Variants in NELFB observed in about 807,000 individuals in gnomAD.
The protein encoded by NELFB is negative elongation factor B.
Under a neutral mutation model 60.2 loss-of-function variants are expected in NELFB, and 34 were observed. That is an observed-to-expected ratio of 0.56 (90% CI 0.43 to 0.75). The LOEUF (loss-of-function observed/expected upper bound fraction) is 0.75. Ranked by LOEUF, NELFB falls within the 30% of genes least tolerant of loss-of-function variation. The pLI is 0.00. For missense variants in NELFB, 770 were observed against 831.6 expected (o/e 0.93, Z 0.91); for synonymous variants, 459 against 382.1 (o/e 1.20, Z -2.35).
chr9:137,268,321 C>T (rs1374389421), intron 10 of NELFB, among the ~76,000 whole-genome samples: 1 of 152,182 alleles, frequency 6.6e-6, no homozygotes, highest in Non-Finnish European at 1.5e-5. Flanking sequence ...CACGGTGGCT[C>T]AGGCCTGTAA....
At chr9:137,262,035 A>G (rs1564443172) in intron 4 of NELFB, among the ~76,000 whole-genome samples, 1 of 152,132 alleles carries the variant, frequency 6.6e-6, no homozygotes, top group Non-Finnish European at 1.5e-5. Flanking sequence ...TCTGCGTATC[A>G]GAGACTTTTA....
At position 137,260,749 on chromosome 9, in the gene NELFB, A is replaced by G. The variant is rs149310738; in HGVS notation, c.742-2288A>G. Among the ~76,000 whole-genome samples the G allele has an allele frequency of 6.7e-4, 102 of 151,188 alleles. 1 individual carries two copies. The East Asian group carries it at 0.017, about 25-fold the overall frequency. On this transcript the variant is annotated intron_variant, in intron 4 of 12. Transcript: ENST00000343053. ...ATTACAGGTGTGAGCCACCGTGCCC[A>G]GCCCGATTCTCTTTTAAAAAGCTAA...
At chr9:137,271,948 T>G in intron 10 of NELFB, 133 bp from the exon 11 acceptor site, 3 of 1,154,612 alleles carry the variant, frequency 2.6e-6, no homozygotes, top group Non-Finnish European at 3.7e-6. Context: ...GACCCTGTGC[T>G]TCTCATCTCA....
Position 137,265,935 on chromosome 9 carries a change from G to A in NELFB, c.1099G>A (p.Val367Ile). 1.9e-6 allele frequency: 3 copies of A among 1,613,236 alleles called. No homozygotes were observed. Among genetic ancestry groups the A allele is most frequent in the Middle Eastern group, 1.7e-4 (1 of 6,050 alleles). The change falls in exon 7 of 13, where the codon GTC becomes ATC. Residue 367 changes from valine (V) to isoleucine (I), a missense_variant. By Grantham distance (29) the Val-to-Ile change is conservative. Coordinates refer to ENST00000343053, the MANE Select transcript of NELFB (RefSeq NM_015456.5). ...CATCAACACGCTGGCACTGAGCACAGTCAGGCACCTGCAGGAGCTGGTCGG... is the reference window on the plus strand; with the variant it reads ...CATCAACACGCTGGCACTGAGCACAATCAGGCACCTGCAGGAGCTGGTCGG...
rs1837535634 is a variant in NELFB, at chr9:137,255,509, CAT to C, written c.145_146del (p.Met49ValfsTer67). 6.5e-7 allele frequency: 1 copy of C among 1,535,346 alleles called. No homozygotes were observed. Among genetic ancestry groups the C allele is most frequent in the Non-Finnish European group, 8.8e-7 (1 of 1,142,048 alleles). ...GCCGGGCGGTGGCCGGGGCCTCGGC[CAT>C]GTTCGCGGGGCTGCAGGACCTGGGC... On this transcript the variant is annotated frameshift_variant, in exon 1 of 13. Coordinates refer to ENST00000343053, the MANE Select transcript of NELFB (RefSeq NM_015456.5). LOFTEE classifies it high-confidence loss of function.
In NELFB at chr9:137,255,975, G is replaced by A; in HGVS notation, c.315G>A (p.Pro105=). The change falls in exon 2 of 13, where the codon CCG becomes CCA. Residue 105 remains proline, a synonymous_variant. Transcript: ENST00000343053. ...CCTTCTTGGACCTGCACGGGACGCC[G>A]CGGCTGGAGTTCCACCAGTCGGTAT... The A allele has an allele frequency of 1.2e-6, 2 of 1,613,956 alleles. No individual in the cohort carries two copies. The highest frequency in any genetic ancestry group is 4.5e-5 in the East Asian group (2 of 44,880).
In NELFB at chr9:137,256,408, G is replaced by A; in HGVS notation, c.490G>A (p.Val164Ile). The A allele has an allele frequency of 6.2e-7, 1 of 1,613,784 alleles. No homozygotes were observed. The highest frequency in any genetic ancestry group is 8.5e-7 in the Non-Finnish European group (1 of 1,179,972). ...GTCCCTGCAGCCCGTGGTGATGTGC[G>A]TCATGAAGCACCTGCCCAAGGTAGG... The change falls in exon 3 of 13, where the codon GTC (valine) becomes ATC (isoleucine). Residue 164 changes from valine (V) to isoleucine (I), a missense_variant. By Grantham distance (29) the Val-to-Ile change is conservative. Transcript: ENST00000343053.
chr9:137,269,043 G>A lies in NELFB; in HGVS notation c.1489+1697G>A, dbSNP rs1055087400. Among the ~76,000 whole-genome samples the A allele has an allele frequency of 6.6e-6, 1 of 152,018 alleles. No individual in the cohort carries two copies. The highest frequency in any genetic ancestry group is 2.4e-5 in the African/African-American group (1 of 41,376). The stretch of plus-strand genomic sequence containing the variant: ...GCCCTCACGACCTCAGCAGTGTTGC[G>A]TTGGGGATCAGGTTTCCGATGGTGA... On this transcript the variant is annotated intron_variant, in intron 10 of 12. Coordinates refer to ENST00000343053, the MANE Select transcript of NELFB (RefSeq NM_015456.5). This position sits in a 1 kb window ranked among gnomAD's most constrained non-coding sequence, Gnocchi z 5.3.
At chr9:137,266,188 C>T (rs1830515386) in intron 7 of NELFB, 143 bp from the exon 8 acceptor site, 1 of 784,656 alleles carries the variant, frequency 1.3e-6, no homozygotes, top group Non-Finnish European at 2.0e-6. Context: ...TGCGTTTCAC[C>T]CCGTGTGTGG....
Position 137,272,625 on chromosome 9 carries a change from C to G in NELFB, c.1740+10C>G. 6.3e-7 allele frequency: 1 copy of G among 1,577,272 alleles called. No individual in the cohort carries two copies. Among genetic ancestry groups the G allele is most frequent in the Non-Finnish European group, 8.6e-7 (1 of 1,161,738 alleles). ...GGAGCCTACAGGCCAGGTGGGTGCC[C>G]GGGGGGGCTGCATCTGAAGGCACCT... On this transcript the variant is annotated intron_variant, in intron 12 of 12. Transcript: ENST00000343053.
chr9:137,261,417 G>A (rs1830445441), intron 4 of NELFB, among the ~76,000 whole-genome samples: 1 of 151,742 alleles, frequency 6.6e-6, no homozygotes, highest in South Asian at 2.1e-4. Context: ...TAGCACTTTG[G>A]GAGGCCGAGG....
rs1837551409 is a variant in NELFB, at chr9:137,256,376, A to G, written c.458A>G (p.Lys153Arg). ...CTGGAGAAGAGCTTTTCTCTGGTGAAGATGCCGTCCCTGCAGCCCGTGGTG... is the reference window on the plus strand; with the variant it reads ...CTGGAGAAGAGCTTTTCTCTGGTGAGGATGCCGTCCCTGCAGCCCGTGGTG... Residue 153 changes from lysine (K) to arginine (R), a missense_variant, in exon 3 of 13, where the codon AAG (lysine) becomes AGG (arginine). Lys to Arg is a conservative substitution (Grantham distance 26, BLOSUM62 2). Transcript: ENST00000343053. 6.2e-7 allele frequency: 1 copy of G among 1,614,054 alleles called. No individual in the cohort carries two copies. Among genetic ancestry groups the G allele is most frequent in the Non-Finnish European group, 8.5e-7 (1 of 1,180,016 alleles).
In NELFB at chr9:137,264,313, G is replaced by T; in HGVS notation, c.996G>T (p.Gln332His). The T allele has an allele frequency of 6.2e-7, 1 of 1,603,242 alleles. No homozygotes were observed. The change falls in exon 6 of 13, where the codon CAG (glutamine) becomes CAT (histidine). Residue 332 changes from glutamine (Q) to histidine (H), a missense_variant. Coordinates refer to ENST00000343053, the MANE Select transcript of NELFB (RefSeq NM_015456.5). ...ACAGCAAGAGGGCGCGGGAGCTGCA[G>T]GGGTTTCTCGATGGCGTCAAGAAGG...
In NELFB at chr9:137,264,238, C is replaced by G; in HGVS notation, c.928-7C>G. 6.3e-7 allele frequency: 1 copy of G among 1,576,830 alleles called. No individual in the cohort carries two copies. ...GGGCTGGTCCCGACCGTGCTTCCTC[C>G]TTGCAGTTCACCTGGTGCCTGGACG... On this transcript the variant is annotated splice_region_variant and splice_polypyrimidine_tract_variant and intron_variant, in intron 5 of 12. Coordinates refer to ENST00000343053, the MANE Select transcript of NELFB (RefSeq NM_015456.5).
At chr9:137,256,561 G>A (rs1837554862) in intron 3 of NELFB, 133 bp downstream of exon 3, 2 of 831,218 alleles carry the variant, frequency 2.4e-6, no homozygotes, top group Non-Finnish European at 3.9e-6. Flanking sequence ...TCCATGGTGA[G>A]CTCTGTGCTG....
intron 10 of NELFB, among the ~76,000 whole-genome samples, chr9:137,268,135 T>C (rs1487218859): frequency 6.6e-6 from 1 of 152,070 alleles, no homozygotes; most frequent in African/African-American, 2.4e-5. Context: ...TTTAGCCTGC[T>C]GTGGGTCCCA....
rs1474674225 is a variant in NELFB at position 137,266,936 on chromosome 9, CCT to C, written c.1240-6_1240-5del. ...CCCGCGCCCGCTCATGGCCTCCCCTCCTCGTAGGAGGTAGAGCTCATCACCAG... is the reference window on the plus strand; with the variant it reads ...CCCGCGCCCGCTCATGGCCTCCCCTCCGTAGGAGGTAGAGCTCATCACCAG... On this transcript the variant is annotated splice_polypyrimidine_tract_variant and splice_region_variant and intron_variant, in intron 8 of 12. Coordinates refer to ENST00000343053, the MANE Select transcript of NELFB (RefSeq NM_015456.5). 1 of 1,612,690 alleles carries C rather than the reference CCT, an allele frequency of 6.2e-7. No homozygotes were observed. The highest frequency in any genetic ancestry group is 8.5e-7 in the Non-Finnish European group (1 of 1,179,862).
chr9:137,266,288 A>G (rs748226360), intron 7 of NELFB, 43 bp from the exon 8 acceptor site: 17 of 1,557,760 alleles, frequency 1.1e-5, no homozygotes, highest in Non-Finnish European at 1.5e-5. Flanking sequence ...CATGGCCAGG[A>G]CACAGCTGCC....
intron 10 of NELFB, among the ~76,000 whole-genome samples, chr9:137,271,869 G>A (rs1159972219): frequency 7.4e-6 from 1 of 136,032 alleles, no homozygotes; most frequent in East Asian, 2.1e-4. Context: ...CTGCAGCTCT[G>A]CTTCCCTGCC....
Sources: allele counts gnomAD v4.1 joint callset (sites outside exome capture counted in the v4.1 genomes callset), GRCh38; gene constraint gnomAD v4.1.1; non-coding constraint Gnocchi (gnomAD v3.1); transcripts MANE v1.5; gene names NCBI Gene and HGNC (gene_info 2026-07-23, HGNC 2026-07-21).